LRRC4C: variants seen among roughly 807,000 people sequenced by gnomAD.
LRRC4C encodes leucine-rich repeat-containing protein 4C.
LRRC4C carries 5 observed loss-of-function variants against 33.6 expected under a neutral mutation model. That is an observed-to-expected ratio of 0.15 (90% CI 0.08 to 0.31). The LOEUF (loss-of-function observed/expected upper bound fraction) is 0.31, where lower values mean the gene tolerates loss of function less well. LRRC4C is among the 10% of genes least tolerant of loss of function. LRRC4C has a pLI of 1.00. For synonymous variants in LRRC4C, 329 were observed against 302.0 expected (o/e 1.09, Z -0.93); for missense variants, 560 against 796.7 (o/e 0.70, Z 3.58).
chr11:40,923,298 T>C (rs1303505415), intron 2 of LRRC4C, among the ~76,000 whole-genome samples: 1 of 152,190 alleles, frequency 6.6e-6, no homozygotes, highest in East Asian at 1.9e-4. Context: ...CAACAATAAA[T>C]TATTGGAGGA....
chr11:40,454,786 C>A (rs1307016961), intron 3 of LRRC4C, among the ~76,000 whole-genome samples: 6 of 152,082 alleles, frequency 3.9e-5, no homozygotes, highest in Non-Finnish European at 7.4e-5. Context: ...TTTTCAGACA[C>A]CTTTATGGGT....
chr11:40,359,211 C>T (rs1203537840), intron 3 of LRRC4C, among the ~76,000 whole-genome samples: 2 of 152,146 alleles, frequency 1.3e-5, no homozygotes, highest in African/African-American at 4.8e-5. Context: ...AAGCAGGATA[C>T]CAGTATGTGG....
chr11:40,645,060 G>A (rs904130883), intron 3 of LRRC4C, among the ~76,000 whole-genome samples: 4 of 151,924 alleles, frequency 2.6e-5, no homozygotes, highest in African/African-American at 7.3e-5. Context: ...TCTACTGCAC[G>A]GCAATCATAT....
intron 1 of LRRC4C, among the ~76,000 whole-genome samples, chr11:41,195,054 T>C (rs1250930199): frequency 6.6e-6 from 1 of 152,080 alleles, no homozygotes; most frequent in Non-Finnish European, 1.5e-5. Flanking sequence ...GCTGTATATT[T>C]ACCCATCTTA....
At chr11:40,431,483 A>G (rs554538117) in intron 3 of LRRC4C, among the ~76,000 whole-genome samples, 1 of 151,730 alleles carries the variant, frequency 6.6e-6, no homozygotes, top group African/African-American at 2.4e-5. Flanking sequence ...AGCCTCTCAT[A>G]ATGCTTAGTA....
chr11:40,984,352 GAAAGAAAGAAA>G (rs1207092755), intron 1 of LRRC4C, among the ~76,000 whole-genome samples: 6 of 86,122 alleles, frequency 7.0e-5, no homozygotes, highest in Non-Finnish European at 1.5e-4. Flanking sequence ...GTAGGAAAGA[GAAAGAAAGAAA>G]AAAGAAAGAA....
intron 3 of LRRC4C, among the ~76,000 whole-genome samples, chr11:40,643,764 C>G (rs1565591953): frequency 6.6e-6 from 1 of 152,132 alleles, no homozygotes; most frequent in Non-Finnish European, 1.5e-5. Context: ...TAATAAAGAG[C>G]CCCTGCCCAC....
intron 3 of LRRC4C, among the ~76,000 whole-genome samples, chr11:40,588,842 T>C (rs1958892712): frequency 6.6e-6 from 1 of 152,156 alleles, no homozygotes; most frequent in African/African-American, 2.4e-5. Flanking sequence ...GTCTGAGAGA[T>C]AGTTTGTTAT....
Position 40,852,479 on chromosome 11 carries a change from A to G in LRRC4C, c.-407+81156T>C, listed in dbSNP as rs549815725. 4.6e-5 allele frequency among the ~76,000 whole-genome samples: 7 copies of G among 152,262 alleles called. No homozygotes were observed. The South Asian group carries it at 1.0e-3, about 23-fold the overall frequency. On this transcript the variant is annotated intron_variant, in intron 2 of 6. Coordinates refer to ENST00000528697, the MANE Select transcript of LRRC4C (RefSeq NM_001258419.2). ...ATATAACATATAAAACAATATTAAT[A>G]TATTTAGTAATGTGACTGTCATAAA...
chr11:40,558,878 C>A (rs1396558636), intron 3 of LRRC4C, among the ~76,000 whole-genome samples: 3 of 152,058 alleles, frequency 2.0e-5, no homozygotes, highest in African/African-American at 7.2e-5. Context: ...CTCAAGTAGA[C>A]CCCAGTGTCT....
chr11:41,433,545 C>T (rs994696759), intron 1 of LRRC4C, among the ~76,000 whole-genome samples: 1 of 152,066 alleles, frequency 6.6e-6, no homozygotes, highest in Non-Finnish European at 1.5e-5. Context: ...AGCAGACCCA[C>T]CCTGAATCTG....
At chr11:40,335,907 C>T (rs2136968913) in intron 3 of LRRC4C, among the ~76,000 whole-genome samples, 1 of 152,280 alleles carries the variant, frequency 6.6e-6, no homozygotes, top group Admixed American at 6.5e-5. Context: ...AGGAATGTTT[C>T]TCATCTCTTT....
At chr11:41,294,572 T>A (rs1276396764) in intron 1 of LRRC4C, among the ~76,000 whole-genome samples, 1 of 152,222 alleles carries the variant, frequency 6.6e-6, no homozygotes, top group African/African-American at 2.4e-5. Context: ...TGAGAATGTA[T>A]AATGCACAAG....
At chr11:41,166,129 C>CA (rs1162700447) in intron 1 of LRRC4C, among the ~76,000 whole-genome samples, 1,788 of 142,522 alleles carry the variant, frequency 0.013, 27 homozygotes, top group African/African-American at 0.033. Context: ...GTATTTATGT[C>CA]AAAAAAAAAA....
chr11:40,755,613 G>A (rs1345531181), intron 2 of LRRC4C, among the ~76,000 whole-genome samples: 4 of 152,052 alleles, frequency 2.6e-5, no homozygotes, highest in African/African-American at 4.8e-5. Flanking sequence ...CATAGATGCA[G>A]GGGCAGTGCT....
intron 2 of LRRC4C, among the ~76,000 whole-genome samples, chr11:40,685,431 T>C (rs944754221): frequency 6.6e-6 from 1 of 152,008 alleles, no homozygotes; most frequent in African/African-American, 2.4e-5. Context: ...TAAAATGTGA[T>C]AATCAGAAAT....
At chr11:41,401,262 C>A (rs74927216) in intron 1 of LRRC4C, among the ~76,000 whole-genome samples, 2,314 of 151,908 alleles carry the variant, frequency 0.015, 150 homozygotes, top group Admixed American at 0.11. Flanking sequence ...AATTCAGTTC[C>A]TTATTCACAC....
intron 5 of LRRC4C, among the ~76,000 whole-genome samples, chr11:40,150,476 A>G (rs1245675699): frequency 1.3e-5 from 2 of 152,248 alleles, no homozygotes; most frequent in Non-Finnish European, 2.9e-5. Context: ...TTTAAAAGAG[A>G]CATGGTCTTG....
intron 5 of LRRC4C, among the ~76,000 whole-genome samples, chr11:40,225,800 G>T (rs1864751377): frequency 6.6e-6 from 1 of 151,906 alleles, no homozygotes. Context: ...TCTATTTTTA[G>T]TAGAGACAGG....
Sources: allele counts gnomAD v4.1 joint callset (sites outside exome capture counted in the v4.1 genomes callset), GRCh38; gene constraint gnomAD v4.1.1; transcripts MANE v1.5; gene names NCBI Gene and HGNC (gene_info 2026-07-23, HGNC 2026-07-21).